HIPK1: variants seen among roughly 807,000 people sequenced by gnomAD.
The protein encoded by HIPK1 is homeodomain-interacting protein kinase 1.
In HIPK1, 28 loss-of-function variants were observed where a neutral mutation model predicts 117.1. The ratio of observed to expected loss-of-function variants is 0.24; its 90% CI spans 0.18 to 0.33. The LOEUF is 0.33. HIPK1 is among the 10% of genes least tolerant of loss of function. The pLI is 1.00. For missense variants in HIPK1, 1,122 were observed against 1,475.1 expected (o/e 0.76, Z 3.92); for synonymous variants, 605 against 562.5 (o/e 1.08, Z -1.07).
At chr1:113,972,539 G>C (rs1246411655) in intron 15 of HIPK1, among the ~76,000 whole-genome samples, 1 of 152,220 alleles carries the variant, frequency 6.6e-6, no homozygotes, top group Non-Finnish European at 1.5e-5. Flanking sequence ...TAGTGAGAAA[G>C]TGTCAGTATG....
chr1:113,954,800 C>T, intron 4 of HIPK1, 30 bp downstream of exon 4: 1 of 1,585,520 alleles, frequency 6.3e-7, no homozygotes, highest in Non-Finnish European at 8.6e-7. Flanking sequence ...CTTCCGACTC[C>T]TGTACTCCAC....
At position 113,940,428 on chromosome 1, in the gene HIPK1, G is replaced by A; in HGVS notation, c.45G>A (p.Ser15=). The change falls in exon 2 of 16, where the codon TCG becomes TCA. Residue 15 remains serine (S), a synonymous_variant. Coordinates refer to ENST00000426820, the MANE Select transcript of HIPK1 (RefSeq NM_198268.3). Reference sequence around the variant, plus strand: ...TGTTTTCGCCCCCATCAGTGTCGTCGAGTGCCTTCTGCAGTGCGAAGAAAC... The same window carrying A: ...TGTTTTCGCCCCCATCAGTGTCGTCAAGTGCCTTCTGCAGTGCGAAGAAAC... The part of the protein sequence containing the change: ...LQVFSPPSVS[S]SAFCSAKKLK... 3 of 1,613,672 alleles carry A rather than the reference G, an allele frequency of 1.9e-6. No individual in the cohort carries two copies. The highest frequency in any genetic ancestry group is 4.5e-5 in the East Asian group (2 of 44,880).
At chr1:113,935,074 T>C (rs766268511) in intron 1 of HIPK1, among the ~76,000 whole-genome samples, 49 of 151,614 alleles carry the variant, frequency 3.2e-4, no homozygotes, top group Admixed American at 6.6e-4. Context: ...TGGTTTGTTA[T>C]ATAGGTAATC....
At position 113,941,025 on chromosome 1, in the gene HIPK1, A is replaced by T; in HGVS notation, c.642A>T (p.Glu214Asp). The change falls in exon 2 of 16, where the codon GAA becomes GAT. Residue 214 changes from glutamate (E) to aspartate (D), a missense_variant. By Grantham distance (45) the Glu-to-Asp change is conservative (BLOSUM62 2). Transcript: ENST00000426820. The surrounding 1 kb of genome is among the most constrained non-coding windows in gnomAD (Gnocchi z 4.9). Reference protein sequence around the residue: ...VAKCWKRSTKEIVAIKILKNH... With the variant: ...VAKCWKRSTKDIVAIKILKNH... Reference sequence around the variant, plus strand: ...AGTGCTGGAAGAGGAGCACCAAGGAAATTGTGGCTATTAAAATCTTGAAGA... The same window carrying T: ...AGTGCTGGAAGAGGAGCACCAAGGATATTGTGGCTATTAAAATCTTGAAGA... The T allele has an allele frequency of 6.2e-7, 1 of 1,614,190 alleles. No homozygotes were observed. Among genetic ancestry groups the T allele is most frequent in the Non-Finnish European group, 8.5e-7 (1 of 1,180,036 alleles).
chr1:113,959,262 T>TA (rs1432027345), intron 8 of HIPK1, among the ~76,000 whole-genome samples: 1 of 148,776 alleles, frequency 6.7e-6, no homozygotes, highest in Non-Finnish European at 1.5e-5. Flanking sequence ...TGGTTTCTGA[T>TA]AGAGTCGGAG....
intron 2 of HIPK1, among the ~76,000 whole-genome samples, chr1:113,949,855 C>T (rs1671235034): frequency 6.6e-6 from 1 of 152,138 alleles, no homozygotes; most frequent in Non-Finnish European, 1.5e-5. Context: ...CCTCCTCGGC[C>T]TCCCAAAGTG....
chr1:113,975,038 G>A lies in HIPK1; in HGVS notation c.*1526G>A, dbSNP rs1296278798. On this transcript the variant is annotated 3_prime_UTR_variant, in exon 16 of 16. Transcript: ENST00000426820. ...AATGAGCAGGGGCATTGCCTGCAAGGAGAGGAGACCCTTGGAATTGTTTTG... is the reference window on the plus strand; with the variant it reads ...AATGAGCAGGGGCATTGCCTGCAAGAAGAGGAGACCCTTGGAATTGTTTTG... 6.5e-6 allele frequency: 1 copy of A among 152,792 alleles called. No homozygotes were observed. Among genetic ancestry groups the A allele is most frequent in the Non-Finnish European group, 1.5e-5 (1 of 68,046 alleles). 9.5% of individuals were successfully genotyped at this position (152,792 alleles called of 1,614,324 possible).
At position 113,930,837 on chromosome 1, in the gene HIPK1, G is replaced by C. The variant is rs557316095; in HGVS notation, c.-3+1305G>C. 8.5e-5 allele frequency: 13 copies of C among 152,326 alleles called. No individual in the cohort carries two copies. In the East Asian group the frequency reaches 1.7e-3, roughly 20 times the overall value. The allele number at this position is 152,326 out of a possible 1,614,324, so 9.4% of individuals were successfully genotyped here. A position where few individuals can be genotyped will look rare whatever the true frequency, so the allele number is the denominator to read the frequency against. ...ATGGGAGGATGCGGGTAGGGAAGAGGGGGGGAAAACCCCCAAGCTCCAGTA... is the reference window on the plus strand; with the variant it reads ...ATGGGAGGATGCGGGTAGGGAAGAGCGGGGGAAAACCCCCAAGCTCCAGTA... On this transcript the variant is annotated intron_variant, in intron 1 of 15. Transcript: ENST00000426820.
rs1354868967 is a variant in HIPK1, at chr1:113,961,339, CAA to C, written c.1982-977_1982-976del. Among the ~76,000 whole-genome samples the C allele has an allele frequency of 4.6e-5, 7 of 152,204 alleles. No individual in the cohort carries two copies. In the East Asian group the frequency reaches 1.2e-3, roughly 25 times the overall value. On this transcript the variant is annotated intron_variant, in intron 8 of 15. Coordinates refer to ENST00000426820, the MANE Select transcript of HIPK1 (RefSeq NM_198268.3). ...AAAGAGCCCTATTAGATGTCAATGA[CAA>C]GAGTAGATTTCTAAAATAAGTTGAA...
chr1:113,938,735 CCAT>C (rs1670417568), intron 1 of HIPK1, among the ~76,000 whole-genome samples: 1 of 151,646 alleles, frequency 6.6e-6, no homozygotes, highest in Non-Finnish European at 1.5e-5. Context: ...TGGTGAAAAC[CCAT>C]CTCTACTAAA....
intron 1 of HIPK1, among the ~76,000 whole-genome samples, chr1:113,937,566 A>C (rs574768719): frequency 1.3e-5 from 2 of 152,322 alleles, no homozygotes; most frequent in East Asian, 3.9e-4. Context: ...GCAGGGGTCA[A>C]ATAATTCATC....
chr1:113,956,623 G>A lies in HIPK1; in HGVS notation c.1408-4G>A. On this transcript the variant is annotated splice_polypyrimidine_tract_variant and splice_region_variant and intron_variant, in intron 5 of 15. Transcript: ENST00000426820. The stretch of plus-strand genomic sequence containing the variant: ...GAAGTATAATTCTGAATTTTCTTTG[G>A]AAGGTGAATATGTCTACAGACCTGG... 1 of 1,605,308 alleles carries A rather than the reference G, an allele frequency of 6.2e-7. No homozygotes were observed. Among genetic ancestry groups the A allele is most frequent in the Non-Finnish European group, 8.5e-7 (1 of 1,176,404 alleles).
intron 2 of HIPK1, among the ~76,000 whole-genome samples, chr1:113,945,315 GAC>G (rs1311823994): frequency 6.6e-6 from 1 of 152,140 alleles, no homozygotes; most frequent in Non-Finnish European, 1.5e-5. Context: ...GATAGTGTTT[GAC>G]ACAGAAAAGT....
At chr1:113,934,814 G>A (rs2938352) in intron 1 of HIPK1, among the ~76,000 whole-genome samples, 131 of 136,562 alleles carry the variant, frequency 9.6e-4, no homozygotes, top group Non-Finnish European at 1.4e-3. Flanking sequence ...AAAAAAATTA[G>A]CCAACTGTGG....
Position 113,929,455 on chromosome 1 carries a change from T to G in HIPK1, c.-80T>G. The G allele has an allele frequency of 7.8e-7, 1 of 1,289,226 alleles. No individual in the cohort carries two copies. The highest frequency in any genetic ancestry group is 1.0e-6 in the Non-Finnish European group (1 of 988,806). The allele number at this position is 1,289,226 out of a possible 1,614,324, so 79.9% of individuals were successfully genotyped here. A position where few individuals can be genotyped will look rare whatever the true frequency, so the allele number is the denominator to read the frequency against. ...TGGCTCCCTACGGAGGCCCACCTACTCGAGGCCCACCGACTCCTACTGCAA... is the reference window on the plus strand; with the variant it reads ...TGGCTCCCTACGGAGGCCCACCTACGCGAGGCCCACCGACTCCTACTGCAA... On this transcript the variant is annotated 5_prime_UTR_variant, in exon 1 of 16. Transcript: ENST00000426820.
chr1:113,938,816 A>G (rs1670423804), intron 1 of HIPK1, among the ~76,000 whole-genome samples: 1 of 151,646 alleles, frequency 6.6e-6, no homozygotes, highest in East Asian at 2.0e-4. Flanking sequence ...AGGCTGAGGC[A>G]GGAGAATTGC....
Position 113,956,793 on chromosome 1 carries a change from A to G in HIPK1, c.1574A>G (p.Asp525Gly). The G allele has an allele frequency of 6.2e-7, 1 of 1,613,924 alleles. No individual in the cohort carries two copies. ...HQFVTMTHLL[D>G]FPHSNHVKSC... The stretch of plus-strand genomic sequence containing the variant: ...TTTGTGACAATGACTCACCTTTTGG[A>G]TTTTCCACATAGCAATCAGTGAGTA... The change falls in exon 6 of 16, where the codon GAT becomes GGT. Residue 525 changes from aspartate (D) to glycine (G), a missense_variant. By Grantham distance (94) the Asp-to-Gly change is moderately conservative. Transcript: ENST00000426820.
intron 8 of HIPK1, among the ~76,000 whole-genome samples, chr1:113,958,700 C>T (rs1162663278): frequency 6.6e-6 from 1 of 151,966 alleles, no homozygotes; most frequent in Non-Finnish European, 1.5e-5. Flanking sequence ...ATTATGTTCC[C>T]AATAAAAAGT....
chr1:113,962,542 T>A lies in HIPK1; in HGVS notation c.2103+104T>A, dbSNP rs1672196636. 2.6e-6 allele frequency: 3 copies of A among 1,167,112 alleles called. No homozygotes were observed. In the Admixed American group the frequency reaches 7.9e-5, roughly 31 times the overall value. The allele number at this position is 1,167,112 out of a possible 1,614,324, so 72.3% of individuals were successfully genotyped here. A position where few individuals can be genotyped will look rare whatever the true frequency, so the allele number is the denominator to read the frequency against. On this transcript the variant is annotated intron_variant, in intron 9 of 15. Coordinates refer to ENST00000426820, the MANE Select transcript of HIPK1 (RefSeq NM_198268.3). ...TTTCCTTTGACTATAAGATCTTTCTTGGTCATGATTCAGTGGACTTAAAAT... is the reference window on the plus strand; with the variant it reads ...TTTCCTTTGACTATAAGATCTTTCTAGGTCATGATTCAGTGGACTTAAAAT...
Sources: gnomAD v4.1 joint callset for allele counts (sites outside exome capture counted in the v4.1 genomes callset) on GRCh38, gnomAD v4.1.1 for gene constraint, Gnocchi (gnomAD v3.1) non-coding constraint, MANE v1.5 for transcripts, NCBI Gene and HGNC (gene_info 2026-07-23, HGNC 2026-07-21) for gene names.